The following ROBO2 variants were observed in gnomAD, a reference collection of about 807,000 sequenced individuals.
ROBO2 encodes the protein roundabout guidance receptor 2, also known as roundabout homolog 2.
Under a neutral mutation model 160.8 loss-of-function variants are expected in ROBO2, and 53 were observed. The observed-to-expected ratio is 0.33, with a 90% CI of 0.26 to 0.41. The LOEUF (loss-of-function observed/expected upper bound fraction) is 0.41, where lower values mean the gene tolerates loss of function less well. Among genes scored for constraint, ROBO2 ranks in the 10% least tolerant of loss-of-function variants. The pLI is 1.00. For missense variants in ROBO2, 1,577 were observed against 1,722.4 expected, an observed-to-expected ratio of 0.92 and a Z score of 1.49; for synonymous variants, 664 against 611.7, an observed-to-expected ratio of 1.09 and a Z score of -1.26.
At chr3:76,190,826 A>T (rs539793511) in intron 2 of ROBO2, among the ~76,000 whole-genome samples, 5 of 152,210 alleles carry the variant, frequency 3.3e-5, no homozygotes, top group Non-Finnish European at 7.4e-5. Flanking sequence ...ACCGAATTTC[A>T]TTCAAATCTT....
At position 77,068,323 on chromosome 3, in the gene ROBO2, A is replaced by G. The variant is rs145354567; in HGVS notation, c.61+27477A>G. Among the ~76,000 whole-genome samples, 552 of 152,262 alleles carry G rather than the reference A, an allele frequency of 3.6e-3. 3 individuals are homozygous for G. The highest frequency in any genetic ancestry group is 0.012 in the African/African-American group (519 of 41,556). On this transcript the variant is annotated intron_variant, in intron 1 of 25. Coordinates refer to ENST00000461745, the Ensembl canonical transcript of ROBO2. ...GTGTTTGAAAGGAAATAAAACTAAG[A>G]CAACTTTTGCCTACAAGTTTCCTTC... is the stretch of plus-strand genomic sequence containing the variant.
At chr3:77,363,647 G>A (rs1317894399) in intron 2 of ROBO2, among the ~76,000 whole-genome samples, 1 of 152,188 alleles carries the variant, frequency 6.6e-6, no homozygotes, top group Non-Finnish European at 1.5e-5. Context: ...TAGACTGAGA[G>A]TGTGGCAAAC....
At chr3:76,675,787 T>C (rs2092392751) in intron 2 of ROBO2, among the ~76,000 whole-genome samples, 1 of 152,142 alleles carries the variant, frequency 6.6e-6, no homozygotes, top group Non-Finnish European at 1.5e-5. Flanking sequence ...GTTAAGAGGA[T>C]TTTTTTCTTA....
At chr3:76,041,268 C>A (rs2067264337) in intron 2 of ROBO2, among the ~76,000 whole-genome samples, 1 of 151,988 alleles carries the variant, frequency 6.6e-6, no homozygotes. Context: ...TCCTACAGGA[C>A]TATGATTTAT....
intron 2 of ROBO2, among the ~76,000 whole-genome samples, chr3:76,054,259 G>T (rs1225458023): frequency 3.3e-5 from 5 of 152,082 alleles, no homozygotes; most frequent in Non-Finnish European, 7.4e-5. Context: ...TGTGTAATTT[G>T]TATAAAATAT....
chr3:76,288,076 A>T (rs926333998), intron 2 of ROBO2, among the ~76,000 whole-genome samples: 1 of 106,020 alleles, frequency 9.4e-6, no homozygotes, highest in Non-Finnish European at 1.7e-5. Flanking sequence ...AGTATAAAAA[A>T]GTGTCTTAAA....
At chr3:77,626,640 A>G (rs1007964113) in intron 23 of ROBO2, among the ~76,000 whole-genome samples, 4 of 152,100 alleles carry the variant, frequency 2.6e-5, no homozygotes, top group Admixed American at 6.5e-5. Flanking sequence ...TGTTTCCCAA[A>G]TTTCATGACA....
chr3:75,958,667 G>C lies in ROBO2; in HGVS notation c.109+21065G>C, dbSNP rs1431699672. 4.0e-5 allele frequency among the ~76,000 whole-genome samples: 6 copies of C among 151,754 alleles called. No homozygotes were observed. The East Asian group carries it at 1.2e-3, about 30-fold the overall frequency. ...GTGGTGGGAGAGGAGGTAAAAGTAG[G>C]TAGGATTTTATTATTATCAATGGGA... is the stretch of plus-strand genomic sequence containing the variant. On this transcript the variant is annotated intron_variant, in intron 2 of 26. Coordinates refer to the ROBO2 transcript ENST00000487694.
chr3:76,378,470 G>A (rs17013960), intron 2 of ROBO2, among the ~76,000 whole-genome samples: 3,167 of 152,168 alleles, frequency 0.021, 96 homozygotes, highest in African/African-American at 0.072. Context: ...TTTAAGAAAC[G>A]TTCGACGAGT....
chr3:76,447,534 A>G (rs1403743524), intron 2 of ROBO2, among the ~76,000 whole-genome samples: 1 of 149,734 alleles, frequency 6.7e-6, no homozygotes, highest in Non-Finnish European at 1.5e-5. Flanking sequence ...CAGCCATCCC[A>G]TTACTGAGTA....
intron 2 of ROBO2, among the ~76,000 whole-genome samples, chr3:76,230,250 A>G (rs1328692050): frequency 2.0e-5 from 3 of 151,890 alleles, no homozygotes; most frequent in Non-Finnish European, 4.4e-5. Flanking sequence ...TCCTGACTCC[A>G]TCCACTAGCC....
chr3:76,096,961 A>G (rs1422286992), intron 2 of ROBO2, among the ~76,000 whole-genome samples: 4 of 152,186 alleles, frequency 2.6e-5, no homozygotes, highest in African/African-American at 4.8e-5. Flanking sequence ...TCTTTGCTAC[A>G]TGAGAATCTG....
intron 2 of ROBO2, among the ~76,000 whole-genome samples, chr3:77,349,845 G>A (rs2068105835): frequency 6.6e-6 from 1 of 151,922 alleles, no homozygotes; most frequent in South Asian, 2.1e-4. Context: ...TCACAAAACA[G>A]CCTTATGATT....
chr3:76,160,489 A>G (rs2072580352), intron 2 of ROBO2, among the ~76,000 whole-genome samples: 1 of 152,070 alleles, frequency 6.6e-6, no homozygotes, highest in South Asian at 2.1e-4. Flanking sequence ...GTACAAGATG[A>G]TTTTTTCCTC....
chr3:76,183,538 TATTC>T (rs1185402263), intron 2 of ROBO2, among the ~76,000 whole-genome samples: 2 of 152,096 alleles, frequency 1.3e-5, no homozygotes, highest in African/African-American at 2.4e-5. Context: ...TTCATTTATT[TATTC>T]ATTCATTCAT....
chr3:75,944,918 A>G (rs1948212389), intron 2 of ROBO2, among the ~76,000 whole-genome samples: 1 of 152,004 alleles, frequency 6.6e-6, no homozygotes, highest in Non-Finnish European at 1.5e-5. Flanking sequence ...TATCACCTAC[A>G]CTGTGTGTCT....
intron 2 of ROBO2, among the ~76,000 whole-genome samples, chr3:76,536,642 C>T (rs897206322): frequency 2.0e-5 from 3 of 152,094 alleles, no homozygotes; most frequent in Non-Finnish European, 2.9e-5. Flanking sequence ...GGGAACTGCC[C>T]TGGTGCCTTC....
chr3:77,548,820 A>G (rs2092802451), intron 7 of ROBO2, among the ~76,000 whole-genome samples: 1 of 151,844 alleles, frequency 6.6e-6, no homozygotes, highest in Admixed American at 6.6e-5. Context: ...GAGAAAGAGA[A>G]AGAGATACAC....
At position 76,362,074 on chromosome 3, in the gene ROBO2, G is replaced by C. The variant is rs113734123; in HGVS notation, c.109+424472G>C. On this transcript the variant is annotated intron_variant, in intron 2 of 26. Coordinates refer to the ROBO2 transcript ENST00000487694. The stretch of plus-strand genomic sequence containing the variant: ...ACACACTATATATAAACTTAAGAAA[G>C]TGAATATTGGCCAGGTGCAGTGACT... Among the ~76,000 whole-genome samples, 331 of 152,148 alleles carry C rather than the reference G, an allele frequency of 2.2e-3. 1 individual carries two copies. Among genetic ancestry groups the C allele is most frequent in the African/African-American group, 7.7e-3 (318 of 41,540 alleles).
Sources: allele counts gnomAD v4.1 joint callset (sites outside exome capture counted in the v4.1 genomes callset), GRCh38; gene constraint gnomAD v4.1.1; transcripts MANE v1.5; gene names NCBI Gene and HGNC (gene_info 2026-07-23, HGNC 2026-07-21).